Variants in CCDC33 observed in about 807,000 individuals in gnomAD.
CCDC33 encodes the protein coiled-coil domain-containing protein 33.
A neutral mutation model predicts 91.9 loss-of-function variants in CCDC33; 94 were observed. The ratio of observed to expected loss-of-function variants is 1.02; its 90% CI spans 0.87 to 1.21. The LOEUF (loss-of-function observed/expected upper bound fraction) is 1.21, where lower values mean the gene tolerates loss of function less well. Among genes scored for constraint, CCDC33 ranks in the 50% most tolerant of loss-of-function variants. The probability of loss-of-function intolerance (pLI) is 0.00; values close to 1 mark genes in which losing one functional copy is unlikely to be tolerated. For synonymous variants in CCDC33, 396 were observed against 374.5 expected (o/e 1.06, Z -0.66); for missense variants, 940 against 935.5 (o/e 1.00, Z -0.06).
upstream of CCDC33, chr15:74,212,632 C>T (rs548338070): frequency 1.3e-5 from 2 of 152,304 alleles, no homozygotes; most frequent in Admixed American, 1.3e-4. Context: ...GACGAGGCTT[C>T]TAATTTTGTT....
chr15:74,257,168 A>C (rs1051906038), intron 2 of CCDC33, among the ~76,000 whole-genome samples: 1 of 152,176 alleles, frequency 6.6e-6, no homozygotes, highest in African/African-American at 2.4e-5. Flanking sequence ...GGAATTAGTG[A>C]TGCTTCATTA....
intron 2 of CCDC33, among the ~76,000 whole-genome samples, chr15:74,256,130 A>C (rs1419086220): frequency 1.3e-5 from 2 of 152,156 alleles, no homozygotes; most frequent in South Asian, 2.1e-4. Context: ...CAGGAATCAT[A>C]ATGCTGTCCC....
rs1266013067 is a variant in CCDC33, at chr15:74,330,761, G to A, written c.1545+10G>A. ...GAATGAGCTGATTCGAGTGAGCTGG[G>A]GCTTGTGGGGGCAGAGGGGAGGGAG... On this transcript the variant is annotated intron_variant, in intron 13 of 18. Coordinates refer to ENST00000398814, the MANE Select transcript of CCDC33 (RefSeq NM_025055.5). 6.2e-7 allele frequency: 1 copy of A among 1,610,658 alleles called. No homozygotes were observed. The highest frequency in any genetic ancestry group is 8.5e-7 in the Non-Finnish European group (1 of 1,177,686).
chr15:74,254,412 C>T (rs771279496), intron 2 of CCDC33, among the ~76,000 whole-genome samples: 3 of 152,180 alleles, frequency 2.0e-5, no homozygotes, highest in African/African-American at 7.2e-5. Flanking sequence ...GGCCAAACAC[C>T]TCTGGTCAGT....
intron 3 of CCDC33, among the ~76,000 whole-genome samples, chr15:74,263,489 G>A (rs2076082942): frequency 6.6e-6 from 1 of 152,232 alleles, no homozygotes; most frequent in African/African-American, 2.4e-5. Flanking sequence ...GAAGACTATG[G>A]GAGAGGAGAA....
intron 3 of CCDC33, among the ~76,000 whole-genome samples, chr15:74,263,807 T>C (rs372166108): frequency 1.3e-5 from 2 of 152,280 alleles, no homozygotes; most frequent in African/African-American, 4.8e-5. Context: ...TGTGTCTAGC[T>C]GCAACAGTGT....
At chr15:74,264,807 GA>G (rs1430483839) in intron 3 of CCDC33, among the ~76,000 whole-genome samples, 2 of 152,234 alleles carry the variant, frequency 1.3e-5, no homozygotes, top group Admixed American at 6.5e-5. Context: ...CCCAAGGGGA[GA>G]GACAAGGCTT....
intron 2 of CCDC33, chr15:74,221,232 T>TTG: frequency 1.0e-6 from 1 of 978,788 alleles, no homozygotes; most frequent in Non-Finnish European, 1.2e-6. Context: ...TTTTTTTTTT[T>TTG]TTTTTTTTTT....
Position 74,236,587 on chromosome 15 carries a change from G to A in CCDC33, c.-133G>A, listed in dbSNP as rs185957810. 1.8e-5 allele frequency: 12 copies of A among 672,632 alleles called. No individual in the cohort carries two copies. The highest frequency in any genetic ancestry group is 2.3e-5 in the Non-Finnish European group (9 of 392,852). 41.7% of individuals were successfully genotyped at this position (672,632 alleles called of 1,614,324 possible). ...CTGAGACCACATTGACCTCCATACT[G>A]TCTACTACCCATAAGGACTCCAAGA... On this transcript the variant is annotated 5_prime_UTR_variant, in exon 1 of 19. Transcript: ENST00000398814.
chr15:74,334,509 GTTCAGTGTGCAGCCAGGGTTAGGA>G, intron 17 of CCDC33, among the ~76,000 whole-genome samples: 1 of 144,864 alleles, frequency 6.9e-6, no homozygotes, highest in East Asian at 1.9e-4. Context: ...CAGGGTCAGG[GTTCAGTGTGCAGCCAGGGTTAGGA>G]TTCAGTGTGT....
chr15:74,249,523 G>A (rs1261517341), intron 2 of CCDC33, among the ~76,000 whole-genome samples: 2 of 151,850 alleles, frequency 1.3e-5, no homozygotes, highest in Admixed American at 6.6e-5. Context: ...AACTTGAATA[G>A]CCCCTGAGCT....
Position 74,271,745 on chromosome 15 carries a change from A to C in CCDC33, c.589A>C (p.Asn197His). The C allele has an allele frequency of 6.2e-7, 1 of 1,613,850 alleles. No homozygotes were observed. The highest frequency in any genetic ancestry group is 8.5e-7 in the Non-Finnish European group (1 of 1,179,828). The change falls in exon 6 of 19, where the codon AAC becomes CAC. Residue 197 changes from asparagine to histidine, a missense_variant. By Grantham distance (68) the Asn-to-His change is moderately conservative. Transcript: ENST00000398814. Reference sequence around the variant, plus strand: ...CAACGAGCCCCTGGCCAACAACCCCAACCCCATAGTGGTGATTGCCCGGGT... The same window carrying C: ...CAACGAGCCCCTGGCCAACAACCCCCACCCCATAGTGGTGATTGCCCGGGT... Reference protein sequence around the residue: ...GVNEPLANNPNPIVVIARVVP... With the variant: ...GVNEPLANNPHPIVVIARVVP...
At chr15:74,297,128 TC>T (rs960974287) in intron 11 of CCDC33, among the ~76,000 whole-genome samples, 16 of 152,186 alleles carry the variant, frequency 1.1e-4, no homozygotes, top group African/African-American at 3.4e-4. Flanking sequence ...CCAGGGTTCT[TC>T]CACATGAGCA....
rs2060090671 is a variant in CCDC33, at chr15:74,316,488, G to A, written c.1291-13701G>A. ...CAATCGATTGGCGCACAGCAGGCAGGGGAGGACAGGGCCCCTTGCAGGGAG... is the reference window on the plus strand; with the variant it reads ...CAATCGATTGGCGCACAGCAGGCAGAGGAGGACAGGGCCCCTTGCAGGGAG... On this transcript the variant is annotated intron_variant, in intron 11 of 18. Transcript: ENST00000398814. This position sits in a 1 kb window ranked among gnomAD's most constrained non-coding sequence, Gnocchi z 4.7. Among the ~76,000 whole-genome samples the A allele has an allele frequency of 6.6e-6, 1 of 152,250 alleles. No individual in the cohort carries two copies. The highest frequency in any genetic ancestry group is 2.4e-5 in the African/African-American group (1 of 41,476).
At chr15:74,302,558 C>G (rs944790613) in intron 11 of CCDC33, 4 of 152,348 alleles carry the variant, frequency 2.6e-5, no homozygotes, top group Non-Finnish European at 5.9e-5. Context: ...GGCCGTGTAG[C>G]AGAGACACCC....
chr15:74,304,270 T>C (rs2059850303), intron 11 of CCDC33: 1 of 152,188 alleles, frequency 6.6e-6, no homozygotes, highest in African/African-American at 2.4e-5. Context: ...CTGTCCACTT[T>C]GCAGGAGACT....
At chr15:74,260,782 G>T (rs1018148163) in intron 2 of CCDC33, among the ~76,000 whole-genome samples, 1 of 152,112 alleles carries the variant, frequency 6.6e-6, no homozygotes, top group South Asian at 2.1e-4. Context: ...GAAAAATCAC[G>T]CCACGGCAAA....
chr15:74,324,884 T>C, intron 11 of CCDC33, among the ~76,000 whole-genome samples: 1 of 103,256 alleles, frequency 9.7e-6, no homozygotes, highest in Admixed American at 1.1e-4. Flanking sequence ...CTCCTCCTTC[T>C]CCCCTCTTCC....
intron 2 of CCDC33, among the ~76,000 whole-genome samples, chr15:74,211,719 A>G (rs922956912): frequency 7.3e-5 from 11 of 151,286 alleles, no homozygotes; most frequent in African/African-American, 2.4e-5. Context: ...CTCTCTTTCT[A>G]TCTGGTTGTC....
Sources: gnomAD v4.1 joint callset for allele counts (sites outside exome capture counted in the v4.1 genomes callset) on GRCh38, gnomAD v4.1.1 for gene constraint, Gnocchi (gnomAD v3.1) non-coding constraint, MANE v1.5 for transcripts, NCBI Gene and HGNC (gene_info 2026-07-23, HGNC 2026-07-21) for gene names.